Variants in CSTPP1 observed in about 807,000 individuals in gnomAD.
CSTPP1 encodes UPF0705 protein C11orf49.
the CSTPP1 span, among the ~76,000 whole-genome samples, chr11:46,962,158 A>T: frequency 6.6e-6 from 1 of 152,140 alleles, no homozygotes; most frequent in Non-Finnish European, 1.5e-5. Context: ...ACACGTGGGG[A>T]TTATGGGAAC....
chr11:47,008,075 C>G, the CSTPP1 span, among the ~76,000 whole-genome samples: 19 of 152,212 alleles, frequency 1.2e-4, no homozygotes, highest in African/African-American at 4.6e-4. Context: ...TCAAGTGATT[C>G]TCCTGCCTCA....
the CSTPP1 span, among the ~76,000 whole-genome samples, chr11:47,110,514 T>C: frequency 2.0e-5 from 3 of 152,250 alleles, no homozygotes; most frequent in Non-Finnish European, 4.4e-5. Flanking sequence ...TCATTTCTTC[T>C]GACTCAGACT....
chr11:47,113,681 A>C, the CSTPP1 span, among the ~76,000 whole-genome samples: 2 of 152,036 alleles, frequency 1.3e-5, no homozygotes, highest in Non-Finnish European at 2.9e-5. Flanking sequence ...TCCTTTGCCC[A>C]CTTTTTGATG....
the CSTPP1 span, chr11:46,948,056 T>C: frequency 2.2e-6 from 1 of 456,160 alleles, no homozygotes; most frequent in South Asian, 1.5e-5. Flanking sequence ...CTTTTGAATG[T>C]AAGATATATG....
chr11:47,118,060 A>G, the CSTPP1 span, among the ~76,000 whole-genome samples: 1 of 151,514 alleles, frequency 6.6e-6, no homozygotes, highest in Non-Finnish European at 1.5e-5. Context: ...TTGTATTTTT[A>G]GTAGAGACGG....
chr11:47,141,788 C>T, the CSTPP1 span, among the ~76,000 whole-genome samples: 1 of 151,744 alleles, frequency 6.6e-6, no homozygotes, highest in South Asian at 2.1e-4. Context: ...CAAAACTTAG[C>T]TGGGCATGGT....
the CSTPP1 span, among the ~76,000 whole-genome samples, chr11:47,047,299 GA>G: frequency 6.6e-6 from 1 of 152,088 alleles, no homozygotes; most frequent in East Asian, 1.9e-4. Context: ...CTTGAAAAAA[GA>G]ATATAAAATT....
the CSTPP1 span, chr11:47,162,080 A>C: frequency 2.0e-6 from 2 of 988,556 alleles, no homozygotes; most frequent in Non-Finnish European, 2.4e-6. Flanking sequence ...AAGTACCAGG[A>C]GGACATAACC....
At chr11:46,995,905 G>A in the CSTPP1 span, among the ~76,000 whole-genome samples, 1 of 152,068 alleles carries the variant, frequency 6.6e-6, no homozygotes, top group Non-Finnish European at 1.5e-5. Flanking sequence ...TTATTGTGTG[G>A]GAGTCTAAGT....
chr11:47,052,562 C>T, the CSTPP1 span: 4 of 1,578,328 alleles, frequency 2.5e-6, no homozygotes, highest in African/African-American at 1.4e-5. Flanking sequence ...TTCCTTCCTT[C>T]CTTTCTTCCT....
At chr11:47,080,799 A>G in the CSTPP1 span, among the ~76,000 whole-genome samples, 3 of 152,110 alleles carry the variant, frequency 2.0e-5, no homozygotes. Flanking sequence ...GCTTGAGCCT[A>G]GGAGTTCGAG....
chr11:47,016,978 A>G, the CSTPP1 span, among the ~76,000 whole-genome samples: 99,237 of 147,722 alleles, frequency 0.67, 33,755 homozygotes, highest in African/African-American at 0.73. Context: ...GAGTAGCTGG[A>G]ACTACAGGCG....
chr11:47,125,630 T>C, the CSTPP1 span, among the ~76,000 whole-genome samples: 1 of 152,242 alleles, frequency 6.6e-6, no homozygotes, highest in Admixed American at 6.5e-5. Context: ...ATTTTTGTTT[T>C]CTGTGGCTTG....
chr11:46,970,990 A>T, the CSTPP1 span, among the ~76,000 whole-genome samples: 1 of 152,236 alleles, frequency 6.6e-6, no homozygotes, highest in Non-Finnish European at 1.5e-5. Context: ...ATTAAGTGAA[A>T]AAATGAGTTG....
At chr11:47,045,662 A>G in the CSTPP1 span, among the ~76,000 whole-genome samples, 1 of 152,238 alleles carries the variant, frequency 6.6e-6, no homozygotes, top group Non-Finnish European at 1.5e-5. Context: ...TTAGCAAGAA[A>G]TAATTGAACC....
the CSTPP1 span, among the ~76,000 whole-genome samples, chr11:46,951,906 C>T: frequency 5.9e-5 from 9 of 152,248 alleles, no homozygotes; most frequent in Non-Finnish European, 8.8e-5. Context: ...GCTCCCACAC[C>T]AGTACTTACC....
the CSTPP1 span, among the ~76,000 whole-genome samples, chr11:47,028,736 C>T: frequency 1.3e-5 from 2 of 152,170 alleles, no homozygotes; most frequent in Non-Finnish European, 2.9e-5. Flanking sequence ...GAAAACATTT[C>T]AGGGCTTTAG....
the CSTPP1 span, among the ~76,000 whole-genome samples, chr11:47,049,991 A>T: frequency 6.6e-6 from 1 of 152,176 alleles, no homozygotes; most frequent in African/African-American, 2.4e-5. Flanking sequence ...ATACACTGAA[A>T]AGCTACTCGT....
the CSTPP1 span, among the ~76,000 whole-genome samples, chr11:47,158,508 C>G: frequency 6.6e-6 from 1 of 152,076 alleles, no homozygotes; most frequent in East Asian, 1.9e-4. Flanking sequence ...AGCCAGTAAG[C>G]CTCCATTCTA....
Sources: gnomAD v4.1 joint callset for allele counts (sites outside exome capture counted in the v4.1 genomes callset) on GRCh38, gnomAD v4.1.1 for gene constraint, MANE v1.5 for transcripts, NCBI Gene and HGNC (gene_info 2026-07-23, HGNC 2026-07-21) for gene names.